CYFIP2: variants seen among roughly 807,000 people sequenced by gnomAD.
CYFIP2 encodes cytoplasmic FMR1-interacting protein 2.
CYFIP2 carries 29 observed loss-of-function variants against 158.7 expected under a neutral mutation model. The ratio of observed to expected loss-of-function variants is 0.18; its 90% confidence interval spans 0.14 to 0.25. CYFIP2 has a LOEUF of 0.25. Among genes scored for constraint, CYFIP2 ranks in the 10% least tolerant of loss-of-function variants. CYFIP2 has a pLI of 1.00. For missense variants in CYFIP2, 852 were observed against 1,639.5 expected (o/e 0.52, Z 8.29); for synonymous variants, 585 against 617.6 (o/e 0.95, Z 0.78).
At chr5:157,329,197 C>T (rs1026012093) in intron 19 of CYFIP2, among the ~76,000 whole-genome samples, 3 of 152,128 alleles carry the variant, frequency 2.0e-5, no homozygotes, top group Admixed American at 1.3e-4. Context: ...AAAGCATGCA[C>T]GTAGGATTTC....
chr5:157,319,693 C>T (rs574125831), intron 13 of CYFIP2, 69 bp from the exon 14 acceptor site: 192 of 1,561,764 alleles, frequency 1.2e-4, no homozygotes, highest in Admixed American at 1.5e-4. Flanking sequence ...CCTGGCAGGG[C>T]GGTGATGGGT....
At position 157,325,687 on chromosome 5, in the gene CYFIP2, G is replaced by A. The variant is rs753667240; in HGVS notation, c.1982+49G>A. On this transcript the variant is annotated intron_variant, in intron 17 of 30. Transcript: ENST00000620254. The stretch of plus-strand genomic sequence containing the variant: ...AAGTGGCTCCTGGGGTACAAGTAGA[G>A]GGCAGTTTGCCAGGGAGATCCGTTC... 18 of 1,527,392 alleles carry A rather than the reference G, an allele frequency of 1.2e-5. No individual in the cohort carries two copies. The Middle Eastern group carries it at 5.2e-4, about 44-fold the overall frequency. 94.6% of individuals were successfully genotyped at this position (1,527,392 alleles called of 1,614,324 possible).
chr5:157,305,423 A>C (rs1442543311), intron 8 of CYFIP2, among the ~76,000 whole-genome samples: 3 of 152,254 alleles, frequency 2.0e-5, no homozygotes, highest in African/African-American at 4.8e-5. Context: ...CAGAATTGTC[A>C]TATGTATTGT....
At chr5:157,381,529 C>CAAAA (rs1281249714) in intron 26 of CYFIP2, among the ~76,000 whole-genome samples, 2,609 of 102,514 alleles carry the variant, frequency 0.025, 78 homozygotes, top group East Asian at 0.052. Flanking sequence ...CTCCGTTTCA[C>CAAAA]AAAAAAAAAA....
At chr5:157,368,971 T>G (rs1203179254) in intron 26 of CYFIP2, among the ~76,000 whole-genome samples, 1 of 151,356 alleles carries the variant, frequency 6.6e-6, no homozygotes, top group Non-Finnish European at 1.5e-5. Context: ...CAATCTTGGC[T>G]CACTGCAGCC....
At chr5:157,278,308 G>A (rs1756724130) in intron 1 of CYFIP2, among the ~76,000 whole-genome samples, 1 of 152,088 alleles carries the variant, frequency 6.6e-6, no homozygotes, top group Non-Finnish European at 1.5e-5. Context: ...CTGGCCTCTT[G>A]ATGTTCATGA....
intron 1 of CYFIP2, among the ~76,000 whole-genome samples, chr5:157,275,619 T>G (rs536135266): frequency 4.6e-5 from 7 of 152,350 alleles, no homozygotes; most frequent in African/African-American, 1.4e-4. Context: ...AAGATTGTCT[T>G]GATTATCCTG....
intron 1 of CYFIP2, among the ~76,000 whole-genome samples, chr5:157,278,210 G>A (rs1334986541): frequency 6.6e-6 from 1 of 151,748 alleles, no homozygotes; most frequent in Non-Finnish European, 1.5e-5. Context: ...GTATATATAT[G>A]TATATGTGTG....
At chr5:157,337,105 A>T (rs1434409793) in intron 21 of CYFIP2, among the ~76,000 whole-genome samples, 1 of 152,208 alleles carries the variant, frequency 6.6e-6, no homozygotes, top group Non-Finnish European at 1.5e-5. Flanking sequence ...GATCTTAGAA[A>T]TAAACTCAGC....
rs575365352 is a variant in CYFIP2, at chr5:157,323,058, G to A, written c.1672-863G>A. ...CTGGGTTGGTTTGGGTACCCTTCTC[G>A]AGGAGGCAGCAGGAATGGACTAGCC... On this transcript the variant is annotated intron_variant, in intron 15 of 30. Coordinates refer to ENST00000620254, the MANE Select transcript of CYFIP2 (RefSeq NM_001037333.3). 196 of 1,525,612 alleles carry A rather than the reference G, an allele frequency of 1.3e-4. 2 individuals carry two copies. The South Asian group carries it at 2.0e-3, about 16-fold the overall frequency. The allele number at this position is 1,525,612 out of a possible 1,614,324, so 94.5% of individuals were successfully genotyped here. A position where few individuals can be genotyped will look rare whatever the true frequency, so the allele number is the denominator to read the frequency against.
intron 26 of CYFIP2, among the ~76,000 whole-genome samples, chr5:157,367,070 G>A (rs2113409266): frequency 1.3e-5 from 2 of 152,242 alleles, no homozygotes; most frequent in South Asian, 4.1e-4. Flanking sequence ...GTGGACCACA[G>A]AAACACTCCG....
At chr5:157,347,815 G>A (rs1479800428) in intron 23 of CYFIP2, among the ~76,000 whole-genome samples, 1 of 152,248 alleles carries the variant, frequency 6.6e-6, no homozygotes, top group Non-Finnish European at 1.5e-5. Context: ...ACAGTCCTGG[G>A]AGAAGACATG....
At chr5:157,339,290 G>T in intron 22 of CYFIP2, 34 bp downstream of exon 22, 1 of 1,590,592 alleles carries the variant, frequency 6.3e-7, no homozygotes, top group South Asian at 1.1e-5. Context: ...GGGCCGGGTG[G>T]GGGTTGGGGG....
Position 157,314,476 on chromosome 5 carries a change from G to A in CYFIP2, c.1230+13G>A, listed in dbSNP as rs1372021885. 1 of 1,612,576 alleles carries A rather than the reference G, an allele frequency of 6.2e-7. No individual in the cohort carries two copies. Among genetic ancestry groups the A allele is most frequent in the Non-Finnish European group, 8.5e-7 (1 of 1,179,110 alleles). ...CGTCATGGAGGTGGTAGGTGTCTCT[G>A]GGTAGAGGGCCTCACACTGACCTCT... On this transcript the variant is annotated intron_variant, in intron 12 of 30. Transcript: ENST00000620254.
At position 157,361,637 on chromosome 5, in the gene CYFIP2, T is replaced by C. The variant is rs751094985; in HGVS notation, c.3039+39T>C. On this transcript the variant is annotated intron_variant, in intron 26 of 30. Coordinates refer to ENST00000620254, the MANE Select transcript of CYFIP2 (RefSeq NM_001037333.3). This position sits in a 1 kb window ranked among gnomAD's most constrained non-coding sequence, Gnocchi z 4.4. ...CCAAAGGAAGTGGGGTGTCTCCAGG[T>C]TGGAGGGGATGCCAACCCCAAGCAG... The C allele has an allele frequency of 1.2e-6, 2 of 1,612,346 alleles. No individual in the cohort carries two copies. Among genetic ancestry groups the C allele is most frequent in the Non-Finnish European group, 1.7e-6 (2 of 1,179,080 alleles).
At position 157,361,710 on chromosome 5, in the gene CYFIP2, C is replaced by A; in HGVS notation, c.3039+112C>A. The A allele has an allele frequency of 7.5e-7, 1 of 1,332,852 alleles. No homozygotes were observed. The highest frequency in any genetic ancestry group is 1.0e-6 in the Non-Finnish European group (1 of 969,172). 82.6% of individuals were successfully genotyped at this position (1,332,852 alleles called of 1,614,324 possible). On this transcript the variant is annotated intron_variant, in intron 26 of 30. Transcript: ENST00000620254. The surrounding 1 kb of genome is among the most constrained non-coding windows in gnomAD (Gnocchi z 4.4). ...GATTTGTGCTTTGAGTACAAGCTCACATGCTCTTTTCAGTTCATTTCCAGA... is the reference window on the plus strand; with the variant it reads ...GATTTGTGCTTTGAGTACAAGCTCAAATGCTCTTTTCAGTTCATTTCCAGA...
At chr5:157,382,842 G>C (rs918031366) in intron 27 of CYFIP2, among the ~76,000 whole-genome samples, 180 bp downstream of exon 27, 1 of 152,122 alleles carries the variant, frequency 6.6e-6, no homozygotes, top group African/African-American at 2.4e-5. Context: ...TGAGCCTGCT[G>C]ACCTCATGAC....
chr5:157,389,766 C>T (rs76339092), intron 29 of CYFIP2: 1 of 195,404 alleles, frequency 5.1e-6, no homozygotes, highest in Admixed American at 5.9e-5. Flanking sequence ...GGCCTCCCCT[C>T]CAGCAGCCAA....
intron 5 of CYFIP2, among the ~76,000 whole-genome samples, chr5:157,300,503 C>T (rs1162357293): frequency 6.7e-6 from 1 of 150,024 alleles, no homozygotes; most frequent in African/African-American, 2.5e-5. Flanking sequence ...CCGCTGCACT[C>T]CAGCCTGGTG....
Sources: allele counts gnomAD v4.1 joint callset (sites outside exome capture counted in the v4.1 genomes callset), GRCh38; gene constraint gnomAD v4.1.1; non-coding constraint Gnocchi (gnomAD v3.1); transcripts MANE v1.5; gene names NCBI Gene and HGNC (gene_info 2026-07-23, HGNC 2026-07-21).